COL21A1: variants seen among roughly 807,000 people sequenced by gnomAD.
COL21A1 encodes the protein collagen type XXI alpha 1 chain.
A neutral mutation model predicts 137.9 loss-of-function variants in COL21A1; 149 were observed. The observed-to-expected ratio is 1.08, with a 90% CI of 0.95 to 1.24. The LOEUF (loss-of-function observed/expected upper bound fraction) is 1.24, where lower values mean the gene tolerates loss of function less well. COL21A1 is among the 50% of genes most tolerant of loss of function. The pLI, the probability that COL21A1 is intolerant of heterozygous loss-of-function variation, is 0.00. For missense variants in COL21A1, 1,167 were observed against 1,158.4 expected (o/e 1.01, Z -0.11); for synonymous variants, 456 against 391.5 (o/e 1.16, Z -1.95).
intron 10 of COL21A1, among the ~76,000 whole-genome samples, chr6:56,144,663 G>A (rs1163274460): frequency 6.6e-6 from 1 of 152,134 alleles, no homozygotes; most frequent in African/African-American, 2.4e-5. Flanking sequence ...TTGTTATAGA[G>A]GACGCATTTC....
chr6:56,198,714 G>C (rs968970453), intron 1 of COL21A1, among the ~76,000 whole-genome samples: 3 of 152,078 alleles, frequency 2.0e-5, no homozygotes, highest in Non-Finnish European at 4.4e-5. Context: ...ATGTCATTTG[G>C]AAATACTATA....
chr6:56,130,185 A>ATATATATATG (rs1773427795), intron 12 of COL21A1, among the ~76,000 whole-genome samples: 1 of 14,592 alleles, frequency 6.9e-5, no homozygotes, highest in Non-Finnish European at 1.9e-4. Context: ...ATATATATAT[A>ATATATATATG]TATATATATA....
chr6:56,368,293 T>A (rs1766147040), intron 1 of COL21A1, among the ~76,000 whole-genome samples: 1 of 152,264 alleles, frequency 6.6e-6, no homozygotes, highest in Non-Finnish European at 1.5e-5. Flanking sequence ...TGTTGAGCTA[T>A]AATTTTTATA....
At chr6:56,319,184 C>G (rs1046637471) in intron 1 of COL21A1, among the ~76,000 whole-genome samples, 1 of 152,076 alleles carries the variant, frequency 6.6e-6, no homozygotes, top group Non-Finnish European at 1.5e-5. Context: ...TCTCCATTAT[C>G]AAGAAGTAAC....
At chr6:56,191,625 A>C (rs961272407) in intron 1 of COL21A1, among the ~76,000 whole-genome samples, 1 of 151,774 alleles carries the variant, frequency 6.6e-6, no homozygotes, top group African/African-American at 2.4e-5. Flanking sequence ...GAGCCAAATC[A>C]TGAGTGAACT....
At chr6:56,060,606 G>T in intron 27 of COL21A1, 135 bp downstream of exon 27, 1 of 581,930 alleles carries the variant, frequency 1.7e-6, no homozygotes. Context: ...ACTCATTGAA[G>T]AAAAGTAGAT....
chr6:56,098,021 A>G (rs1230789309), intron 17 of COL21A1, among the ~76,000 whole-genome samples: 1 of 82,530 alleles, frequency 1.2e-5, no homozygotes, highest in Admixed American at 2.1e-4. Flanking sequence ...AAATATATAT[A>G]AATATATATG....
chr6:56,390,495 G>C (rs1229593737), intron 1 of COL21A1, among the ~76,000 whole-genome samples: 2 of 139,784 alleles, frequency 1.4e-5, no homozygotes, highest in Non-Finnish European at 3.1e-5. Flanking sequence ...TGGCTGAATG[G>C]ACACACACAC....
chr6:56,384,439 C>T (rs2152352545), intron 1 of COL21A1, among the ~76,000 whole-genome samples: 1 of 152,224 alleles, frequency 6.6e-6, no homozygotes, highest in South Asian at 2.1e-4. Flanking sequence ...AAATGTTTTG[C>T]ATAAACTTGT....
Position 56,061,697 on chromosome 6 carries a change from G to GA in COL21A1, c.2173-17dup, listed in dbSNP as rs528824962. On this transcript the variant is annotated splice_polypyrimidine_tract_variant and intron_variant, in intron 24 of 29. Coordinates refer to ENST00000244728, the MANE Select transcript of COL21A1 (RefSeq NM_030820.4). ...CTTGAATTCCCTTTGAAAATTAATAGAAAAAATATAATAAATGTGCAAGCT... is the reference window on the plus strand; with the variant it reads ...CTTGAATTCCCTTTGAAAATTAATAGAAAAAAATATAATAAATGTGCAAGCT... The GA allele has an allele frequency of 9.4e-3, 14,525 of 1,540,946 alleles. 72 individuals are homozygous for GA. Among genetic ancestry groups the GA allele is most frequent in the Non-Finnish European group, 0.012 (12,968 of 1,126,146 alleles).
At chr6:56,067,177 T>C (rs1766335676) in intron 23 of COL21A1, 118 bp downstream of exon 23, 5 of 831,522 alleles carry the variant, frequency 6.0e-6, no homozygotes, top group Admixed American at 3.2e-5. Context: ...AAGGAGAAAA[T>C]AGGATTTAAC....
intron 1 of COL21A1, among the ~76,000 whole-genome samples, chr6:56,361,534 C>G (rs1041900861): frequency 1.3e-5 from 2 of 152,070 alleles, no homozygotes; most frequent in Admixed American, 6.6e-5. Flanking sequence ...GAAGATTATC[C>G]AGTGGCTTAA....
chr6:56,323,643 C>A (rs1188240032), intron 1 of COL21A1, among the ~76,000 whole-genome samples: 1 of 152,142 alleles, frequency 6.6e-6, no homozygotes, highest in African/African-American at 2.4e-5. Flanking sequence ...CCTCCTCAGC[C>A]TCCCAAAGTG....
intron 1 of COL21A1, among the ~76,000 whole-genome samples, chr6:56,229,766 T>C (rs950551196): frequency 1.3e-5 from 2 of 151,920 alleles, no homozygotes; most frequent in African/African-American, 2.4e-5. Flanking sequence ...ACTCAGCTCG[T>C]TGGCCATGAG....
chr6:56,127,425 T>G (rs191189726), intron 12 of COL21A1, among the ~76,000 whole-genome samples: 1 of 152,188 alleles, frequency 6.6e-6, no homozygotes, highest in Non-Finnish European at 1.5e-5. Context: ...TCATTTGCAT[T>G]GAAAATTTTT....
intron 9 of COL21A1, among the ~76,000 whole-genome samples, chr6:56,157,631 C>T (rs773325217): frequency 2.6e-5 from 4 of 152,108 alleles, no homozygotes; most frequent in Non-Finnish European, 4.4e-5. Context: ...ATAGGTTCTA[C>T]ATATATAGAT....
chr6:56,313,577 C>T (rs981719010), intron 1 of COL21A1, among the ~76,000 whole-genome samples: 1 of 152,122 alleles, frequency 6.6e-6, no homozygotes, highest in Non-Finnish European at 1.5e-5. Flanking sequence ...TCTTATAAGG[C>T]CGCAGTGTTA....
At chr6:56,174,773 T>G (rs1042162655) in intron 3 of COL21A1, among the ~76,000 whole-genome samples, 1 of 151,992 alleles carries the variant, frequency 6.6e-6, no homozygotes, top group African/African-American at 2.4e-5. Flanking sequence ...TTCAAAAAAT[T>G]GAAGAGGAGT....
At chr6:56,082,344 C>T (rs1767863213) in intron 17 of COL21A1, among the ~76,000 whole-genome samples, 2 of 151,814 alleles carry the variant, frequency 1.3e-5, no homozygotes, top group South Asian at 2.1e-4. Flanking sequence ...AACAAACAAA[C>T]AAGCATGTAT....
Sources: allele counts gnomAD v4.1 joint callset (sites outside exome capture counted in the v4.1 genomes callset), GRCh38; gene constraint gnomAD v4.1.1; transcripts MANE v1.5; gene names NCBI Gene and HGNC (gene_info 2026-07-23, HGNC 2026-07-21).